Variants in ERCC6L2 observed in about 807,000 individuals in gnomAD.
ERCC6L2 encodes the protein ERCC excision repair 6 like 2.
ERCC6L2 carries 77 observed loss-of-function variants against 132.0 expected under a neutral mutation model. That is an observed-to-expected ratio of 0.58 (90% CI 0.49 to 0.71). The LOEUF (loss-of-function observed/expected upper bound fraction) is 0.71. ERCC6L2 is among the 30% of genes least tolerant of loss of function. The pLI is 0.00. For synonymous variants in ERCC6L2, 583 were observed against 632.4 expected (o/e 0.92, Z 1.17); for missense variants, 1,542 against 1,837.6 (o/e 0.84, Z 2.94).
intron 14 of ERCC6L2, 77 bp from the exon 15 acceptor site, chr9:95,970,499 C>A: frequency 1.3e-6 from 1 of 746,190 alleles, no homozygotes; most frequent in Non-Finnish European, 1.9e-6. Context: ...GAATAGCATG[C>A]ATTGCTGTTG....
chr9:95,974,725 TGTGTG>T (rs1832587269), intron 16 of ERCC6L2, among the ~76,000 whole-genome samples: 3 of 113,208 alleles, frequency 2.6e-5, no homozygotes, highest in African/African-American at 9.5e-5. Context: ...GCCAGATTTG[TGTGTG>T]TGTGTGTGTG....
intron 3 of ERCC6L2, among the ~76,000 whole-genome samples, chr9:95,902,283 A>C (rs937083911): frequency 6.6e-6 from 1 of 152,130 alleles, no homozygotes; most frequent in Admixed American, 6.6e-5. Flanking sequence ...TTGAAATTCA[A>C]TTTTTATGAA....
chr9:95,978,385 G>A (rs934889578), intron 17 of ERCC6L2, among the ~76,000 whole-genome samples, 170 bp downstream of exon 17: 3 of 152,118 alleles, frequency 2.0e-5, no homozygotes, highest in Admixed American at 6.5e-5. Context: ...CATTGAAGAC[G>A]TTTTAGATTA....
chr9:95,962,907 T>C (rs1020339228), intron 13 of ERCC6L2, among the ~76,000 whole-genome samples: 6 of 152,142 alleles, frequency 3.9e-5, no homozygotes, highest in Admixed American at 2.6e-4. Flanking sequence ...TTTAACTTCA[T>C]TGAAAGATAC....
chr9:95,945,649 A>G (rs535699506), intron 12 of ERCC6L2, among the ~76,000 whole-genome samples: 8 of 152,376 alleles, frequency 5.3e-5, no homozygotes, highest in African/African-American at 1.9e-4. Flanking sequence ...ATAAATGTCC[A>G]TGAAATCTTC....
rs946516793 is a variant in ERCC6L2 at position 96,014,826 on chromosome 9, A to G, written c.*1623A>G. Among the ~76,000 whole-genome samples, 1 of 152,176 alleles carries G rather than the reference A, an allele frequency of 6.6e-6. No individual in the cohort carries two copies. Among genetic ancestry groups the G allele is most frequent in the Non-Finnish European group, 1.5e-5 (1 of 68,034 alleles). The stretch of plus-strand genomic sequence containing the variant: ...GCCTTCTACACAATGAGTGCATGAT[A>G]TGGTCCTTGATAGACTTGACTTGTA... On this transcript the variant is annotated 3_prime_UTR_variant, in exon 19 of 19. Coordinates refer to ENST00000653738, the MANE Select transcript of ERCC6L2 (RefSeq NM_020207.7).
chr9:95,926,572 A>T (rs1587919630), intron 9 of ERCC6L2, among the ~76,000 whole-genome samples: 1 of 152,286 alleles, frequency 6.6e-6, no homozygotes, highest in South Asian at 2.1e-4. Flanking sequence ...ATACTATCAA[A>T]AGGCAAAACT....
intron 12 of ERCC6L2, among the ~76,000 whole-genome samples, chr9:95,945,463 C>T (rs772093971): frequency 4.6e-5 from 7 of 152,148 alleles, no homozygotes; most frequent in Non-Finnish European, 1.0e-4. Flanking sequence ...CAACACTCAT[C>T]CTCCTCAGCT....
At chr9:95,891,487 T>C (rs1317382612) in intron 2 of ERCC6L2, among the ~76,000 whole-genome samples, 1 of 152,206 alleles carries the variant, frequency 6.6e-6, no homozygotes, top group Non-Finnish European at 1.5e-5. Context: ...TTGTTTCCAC[T>C]TTTAGTTATT....
At chr9:95,945,496 G>A (rs1831017929) in intron 12 of ERCC6L2, among the ~76,000 whole-genome samples, 1 of 152,216 alleles carries the variant, frequency 6.6e-6, no homozygotes, top group Admixed American at 6.5e-5. Flanking sequence ...GGGATTAAGA[G>A]ATTAAAGTAA....
rs767667648 is a variant in ERCC6L2, at chr9:95,972,090, A to C, written c.2339A>C (p.Lys780Thr). 6.1e-5 allele frequency: 79 copies of C among 1,304,154 alleles called. No homozygotes were observed. Among genetic ancestry groups the C allele is most frequent in the Non-Finnish European group, 7.8e-5 (77 of 988,948 alleles). The allele number at this position is 1,304,154 out of a possible 1,614,324, so 80.8% of individuals were successfully genotyped here. Residue 780 changes from lysine (K) to threonine (T), a missense_variant, in exon 16 of 19, where the codon AAA becomes ACA. Lys to Thr is a moderately conservative substitution (Grantham distance 78). Coordinates refer to ENST00000653738, the MANE Select transcript of ERCC6L2 (RefSeq NM_020207.7). ...AAAAACAAAGCACCCGATTCAAGTA[A>C]AGCTTCCAGCTCTCCAGGACAGCTT... The part of the protein sequence containing the change: ...TAKNKAPDSS[K>T]ASSSPGQLTL...
intron 11 of ERCC6L2, among the ~76,000 whole-genome samples, chr9:95,931,148 A>G (rs1339192708): frequency 6.6e-6 from 1 of 152,168 alleles, no homozygotes; most frequent in Non-Finnish European, 1.5e-5. Context: ...TCTCTTTCCT[A>G]AGACTTCATC....
In ERCC6L2 at chr9:95,923,348, T is replaced by C; in HGVS notation, c.1502T>C (p.Leu501Pro). ...QKSKDAAFET[L>P]SDPKYSGKMK... ...AGCAAAGATGCAGCCTTTGAAACACTTTCTGACCCTAAATACAGTGGAAAA... is the reference window on the plus strand; with the variant it reads ...AGCAAAGATGCAGCCTTTGAAACACCTTCTGACCCTAAATACAGTGGAAAA... The change falls in exon 9 of 19, where the codon CTT becomes CCT. Residue 501 changes from leucine to proline, a missense_variant. Leu to Pro is a moderately conservative substitution (Grantham distance 98, BLOSUM62 -3). Coordinates refer to ENST00000653738, the MANE Select transcript of ERCC6L2 (RefSeq NM_020207.7). The C allele has an allele frequency of 6.2e-7, 1 of 1,613,870 alleles. No homozygotes were observed. The highest frequency in any genetic ancestry group is 2.2e-5 in the East Asian group (1 of 44,832).
intron 12 of ERCC6L2, among the ~76,000 whole-genome samples, chr9:95,955,544 A>T (rs1831558581): frequency 6.6e-6 from 1 of 151,628 alleles, no homozygotes; most frequent in African/African-American, 2.4e-5. Context: ...GCTTTCTGGC[A>T]CTATGGATTA....
rs951980453 is a variant in ERCC6L2 at position 95,890,416 on chromosome 9, G to T, written c.472-7433G>T. ...AATTTATAGAAAGTTTATGTAAATT[G>T]CCCAGTGTCACATAGCTAGTATGAA... is the stretch of plus-strand genomic sequence containing the variant. On this transcript the variant is annotated intron_variant, in intron 2 of 18. Coordinates refer to ENST00000653738, the MANE Select transcript of ERCC6L2 (RefSeq NM_020207.7). Among the ~76,000 whole-genome samples, 6 of 152,072 alleles carry T rather than the reference G, an allele frequency of 3.9e-5. No individual in the cohort carries two copies. In the East Asian group the frequency reaches 1.2e-3, roughly 29 times the overall value.
rs1392218225 is a variant in ERCC6L2 at position 95,881,185 on chromosome 9, G to A, written c.363G>A (p.Arg121=). The A allele has an allele frequency of 1.2e-6, 2 of 1,612,408 alleles. No homozygotes were observed. Among genetic ancestry groups the A allele is most frequent in the Non-Finnish European group, 8.5e-7 (1 of 1,179,578 alleles). The change falls in exon 2 of 19, where the codon AGG becomes AGA. Residue 121 remains arginine, a synonymous_variant. Coordinates refer to ENST00000653738, the MANE Select transcript of ERCC6L2 (RefSeq NM_020207.7). ...ACTCTATTCCTTATACCATCAATAG[G>A]TATTTGAGAGACTACCAAAGAGAAG... ...NGDSIPYTIN[R]YLRDYQREGT... is the part of the protein sequence containing the mutation.
At chr9:95,970,025 C>G (rs941258478) in intron 14 of ERCC6L2, among the ~76,000 whole-genome samples, 1 of 152,112 alleles carries the variant, frequency 6.6e-6, no homozygotes, top group Non-Finnish European at 1.5e-5. Context: ...CAAAAGATAG[C>G]AAGCCTGTTA....
chr9:95,916,866 G>C (rs368863485), intron 6 of ERCC6L2, among the ~76,000 whole-genome samples: 1 of 151,892 alleles, frequency 6.6e-6, no homozygotes, highest in East Asian at 1.9e-4. Flanking sequence ...TGTATTTTTA[G>C]TAGAGACAGG....
At chr9:95,965,347 AGAT>A (rs1404020032) in intron 13 of ERCC6L2, among the ~76,000 whole-genome samples, 12 of 152,176 alleles carry the variant, frequency 7.9e-5, no homozygotes, top group African/African-American at 2.9e-4. Flanking sequence ...TCTAAAATTG[AGAT>A]GATATAAGGT....
Sources: allele counts gnomAD v4.1 joint callset (sites outside exome capture counted in the v4.1 genomes callset), GRCh38; gene constraint gnomAD v4.1.1; transcripts MANE v1.5; gene names NCBI Gene and HGNC (gene_info 2026-07-23, HGNC 2026-07-21).